CADM2: variants seen among roughly 807,000 people sequenced by gnomAD.
CADM2 encodes the protein cell adhesion molecule 2.
CADM2 carries 12 observed loss-of-function variants against 49.8 expected under a neutral mutation model. That is an observed-to-expected ratio of 0.24 (90% confidence interval 0.15 to 0.39). The LOEUF is 0.39. CADM2 is among the 10% of genes least tolerant of loss of function. The pLI is 1.00. For missense variants in CADM2, 378 were observed against 492.3 expected, an observed-to-expected ratio of 0.77 and a Z score of 2.20; for synonymous variants, 214 against 175.4, an observed-to-expected ratio of 1.22 and a Z score of -1.74.
At chr3:85,382,377 T>G (rs1476214823) in intron 1 of CADM2, among the ~76,000 whole-genome samples, 4 of 152,080 alleles carry the variant, frequency 2.6e-5, no homozygotes, top group Non-Finnish European at 5.9e-5. Flanking sequence ...GCTCCTTAGA[T>G]AGGGATGGGA....
intron 3 of CADM2, among the ~76,000 whole-genome samples, chr3:85,833,333 T>A (rs922239808): frequency 2.6e-5 from 4 of 151,690 alleles, no homozygotes; most frequent in African/African-American, 9.7e-5. Flanking sequence ...GGCATCAGGG[T>A]GATGCTGGCT....
intron 1 of CADM2, among the ~76,000 whole-genome samples, chr3:85,174,310 G>A (rs1265092183): frequency 6.6e-6 from 1 of 152,102 alleles, no homozygotes; most frequent in Admixed American, 6.6e-5. Context: ...CATAAGAGTA[G>A]TTTAAATTGT....
At chr3:85,494,685 A>G (rs1313445075) in intron 1 of CADM2, among the ~76,000 whole-genome samples, 1 of 152,194 alleles carries the variant, frequency 6.6e-6, no homozygotes, top group Non-Finnish European at 1.5e-5. Flanking sequence ...TGAGGACTAT[A>G]TTGACATACA....
intron 7 of CADM2, among the ~76,000 whole-genome samples, chr3:85,941,596 AGCCCCTTCTCTAAT>A (rs1056334230): frequency 3.3e-5 from 5 of 152,090 alleles, no homozygotes; most frequent in African/African-American, 1.2e-4. Context: ...CCACAGGAAA[AGCCCCTTCTCTAAT>A]TTACCTTAAT....
intron 1 of CADM2, among the ~76,000 whole-genome samples, chr3:85,253,616 C>T (rs998029695): frequency 6.6e-6 from 1 of 152,034 alleles, no homozygotes; most frequent in African/African-American, 2.4e-5. Context: ...TTTAAGACTC[C>T]TCTGCAACAT....
At chr3:85,129,840 G>T (rs1238034448) in intron 1 of CADM2, among the ~76,000 whole-genome samples, 1 of 152,188 alleles carries the variant, frequency 6.6e-6, no homozygotes, top group Non-Finnish European at 1.5e-5. Flanking sequence ...ATAAACCCAT[G>T]TTTGTACTAT....
chr3:85,537,713 C>T (rs2061456797), intron 1 of CADM2, among the ~76,000 whole-genome samples: 1 of 151,362 alleles, frequency 6.6e-6, no homozygotes, highest in African/African-American at 2.4e-5. Context: ...TACAAACTCA[C>T]TTTAATAATA....
intron 1 of CADM2, among the ~76,000 whole-genome samples, chr3:85,000,843 A>G (rs2033429305): frequency 6.6e-6 from 1 of 152,124 alleles, no homozygotes; most frequent in Non-Finnish European, 1.5e-5. Flanking sequence ...TTGTATAGGT[A>G]TATAATATAA....
chr3:85,739,830 G>T (rs1263583058), intron 2 of CADM2, among the ~76,000 whole-genome samples: 1 of 152,032 alleles, frequency 6.6e-6, no homozygotes, highest in African/African-American at 2.4e-5. Flanking sequence ...AGAATGTCAA[G>T]AAATCAAAAA....
At chr3:85,439,880 T>C (rs542339103) in intron 1 of CADM2, among the ~76,000 whole-genome samples, 1 of 152,332 alleles carries the variant, frequency 6.6e-6, no homozygotes, top group Non-Finnish European at 1.5e-5. Flanking sequence ...CAAAAACATC[T>C]TCCTACCTGT....
intron 1 of CADM2, among the ~76,000 whole-genome samples, chr3:85,314,357 GT>G (rs201576346): frequency 8.2e-4 from 122 of 148,980 alleles, no homozygotes; most frequent in Admixed American, 1.3e-3. Flanking sequence ...GCAATTTTCT[GT>G]TTTTTTTTAA....
At position 85,700,186 on chromosome 3, in the gene CADM2, G is replaced by T. The variant is rs137875825; in HGVS notation, c.62-26336G>T. 7.6e-4 allele frequency among the ~76,000 whole-genome samples: 115 copies of T among 152,232 alleles called. 1 individual carries two copies. Among genetic ancestry groups the T allele is most frequent in the African/African-American group, 2.7e-3 (114 of 41,546 alleles). ...AAGAATGAGTTCATTTCCTTTGCAG[G>T]GACATGGATGAAGCTGGAAAGCATC... On this transcript the variant is annotated intron_variant, in intron 1 of 9. Transcript: ENST00000383699.
At chr3:85,060,612 T>A (rs2036269252) in intron 1 of CADM2, among the ~76,000 whole-genome samples, 1 of 152,200 alleles carries the variant, frequency 6.6e-6, no homozygotes, top group Admixed American at 6.5e-5. Flanking sequence ...ATTATTCCCA[T>A]AATTCCTATT....
At chr3:85,437,369 A>G (rs758258735) in intron 1 of CADM2, among the ~76,000 whole-genome samples, 1 of 152,156 alleles carries the variant, frequency 6.6e-6, no homozygotes, top group Non-Finnish European at 1.5e-5. Context: ...GTAAATGCCA[A>G]GAAGTGTGAT....
intron 1 of CADM2, among the ~76,000 whole-genome samples, chr3:85,694,088 A>G (rs1577100798): frequency 6.6e-6 from 1 of 151,882 alleles, no homozygotes; most frequent in South Asian, 2.1e-4. Flanking sequence ...AAAGATATCT[A>G]CTCCTTTTTA....
intron 3 of CADM2, among the ~76,000 whole-genome samples, chr3:85,868,922 G>A (rs955838994): frequency 6.6e-6 from 1 of 151,832 alleles, no homozygotes; most frequent in East Asian, 1.9e-4. Context: ...TAATTGGATC[G>A]TTTATTGTAA....
chr3:85,663,525 C>T (rs2065473961), intron 1 of CADM2, among the ~76,000 whole-genome samples: 1 of 151,990 alleles, frequency 6.6e-6, no homozygotes, highest in South Asian at 2.1e-4. Context: ...ACACTTTCTT[C>T]CCCCAACAAC....
intron 3 of CADM2, among the ~76,000 whole-genome samples, chr3:85,808,139 C>T (rs1026837972): frequency 1.3e-5 from 2 of 152,180 alleles, no homozygotes; most frequent in Non-Finnish European, 2.9e-5. Context: ...AATTCCACTT[C>T]ATTTCTGTAC....
chr3:85,632,736 A>G (rs1467017507), intron 1 of CADM2, among the ~76,000 whole-genome samples: 1 of 151,990 alleles, frequency 6.6e-6, no homozygotes, highest in Non-Finnish European at 1.5e-5. Context: ...AGTGCCTATG[A>G]CAAGCCCAAC....
Sources: allele counts gnomAD v4.1 joint callset (sites outside exome capture counted in the v4.1 genomes callset), GRCh38; gene constraint gnomAD v4.1.1; transcripts MANE v1.5; gene names NCBI Gene and HGNC (gene_info 2026-07-23, HGNC 2026-07-21).